Variants in MMP9 observed in about 807,000 individuals in gnomAD.
MMP9 encodes matrix metallopeptidase 9.
In MMP9, 73 loss-of-function variants were observed where a neutral mutation model predicts 76.4. The ratio of observed to expected loss-of-function variants is 0.96; its 90% CI spans 0.79 to 1.16. The LOEUF (loss-of-function observed/expected upper bound fraction) is 1.16. Ranked by LOEUF, MMP9 falls within the 50% of genes most tolerant of loss-of-function variation. The pLI, the probability that MMP9 is intolerant of heterozygous loss-of-function variation, is 0.00. For synonymous variants in MMP9, 412 were observed against 408.4 expected (o/e 1.01, Z -0.11); for missense variants, 943 against 973.0 (o/e 0.97, Z 0.41).
intron 7 of MMP9, 42 bp from the exon 8 acceptor site, chr20:46,012,385 G>T (rs746688967): frequency 1.2e-6 from 2 of 1,613,534 alleles, no homozygotes; most frequent in South Asian, 1.1e-5. Context: ...AGGGCTGGGG[G>T]CTCGGCCCGG....
chr20:46,014,504 A>G, intron 12 of MMP9, 30 bp downstream of exon 12: 1 of 1,536,862 alleles, frequency 6.5e-7, no homozygotes, highest in Admixed American at 2.0e-5. Flanking sequence ...CCTTCGTGAG[A>G]CACCACACTA....
Position 46,011,124 on chromosome 20 carries a change from G to GT in MMP9, c.650-18dup. On this transcript the variant is annotated intron_variant, in intron 4 of 12. Coordinates refer to ENST00000372330, the MANE Select transcript of MMP9 (RefSeq NM_004994.3). ...CTCATCACCCGCCGCCCTAACTCCG[G>GT]TCCCCCCTCCTCCTGCAGTGGTTCC... The GT allele has an allele frequency of 6.2e-7, 1 of 1,613,964 alleles. No individual in the cohort carries two copies. The highest frequency in any genetic ancestry group is 1.1e-5 in the South Asian group (1 of 91,080).
chr20:46,013,961 T>C lies in MMP9; in HGVS notation c.1751-163T>C. On this transcript the variant is annotated intron_variant, in intron 10 of 12. Coordinates refer to ENST00000372330, the MANE Select transcript of MMP9 (RefSeq NM_004994.3). This position sits in a 1 kb window ranked among gnomAD's most constrained non-coding sequence, Gnocchi z 4.5. ...GGGCGGCTGAGTTTCTGCCCCCTCC[T>C]CTCCACGCCCTCGCGTCGCTCTACC... is the stretch of plus-strand genomic sequence containing the variant. 7.2e-7 allele frequency: 1 copy of C among 1,386,112 alleles called. No individual in the cohort carries two copies. The allele number at this position is 1,386,112 out of a possible 1,614,324, so 85.9% of individuals were successfully genotyped here. A position where few individuals can be genotyped will look rare whatever the true frequency, so the allele number is the denominator to read the frequency against.
Position 46,014,199 on chromosome 20 carries a change from A to G in MMP9, c.1826A>G (p.Asp609Gly), listed in dbSNP as rs977960437. 2 of 1,537,586 alleles carry G rather than the reference A, an allele frequency of 1.3e-6. No homozygotes were observed. The highest frequency in any genetic ancestry group is 1.4e-5 in the African/African-American group (1 of 72,836). The change falls in exon 11 of 13, where the codon GAC (aspartate) becomes GGC (glycine). Residue 609 changes from aspartate to glycine, a missense_variant. By Grantham distance (94) the Asp-to-Gly change is moderately conservative. Transcript: ENST00000372330. ...RRLDKLGLGA[D>G]VAQVTGALRS... ...CTGGACAAGCTGGGCCTGGGAGCCGACGTGGCCCAGGTGACCGGGGCCCTC... is the reference window on the plus strand; with the variant it reads ...CTGGACAAGCTGGGCCTGGGAGCCGGCGTGGCCCAGGTGACCGGGGCCCTC...
rs757099264 is a variant in MMP9, at chr20:46,010,970, A to T, written c.569A>T (p.His190Leu). ...PFDGKDGLLA[H>L]AFPPGPGIQG... ...GACGGGAAGGACGGGCTCCTGGCACACGCCTTTCCTCCTGGCCCCGGCATT... is the reference window on the plus strand; with the variant it reads ...GACGGGAAGGACGGGCTCCTGGCACTCGCCTTTCCTCCTGGCCCCGGCATT... Residue 190 changes from histidine (H) to leucine (L), a missense_variant, in exon 4 of 13, where the codon CAC becomes CTC. Physicochemically the swap from His to Leu is moderately conservative, Grantham distance 99 (BLOSUM62 -3). Coordinates refer to ENST00000372330, the MANE Select transcript of MMP9 (RefSeq NM_004994.3). 6.2e-7 allele frequency: 1 copy of T among 1,614,176 alleles called. No homozygotes were observed. The highest frequency in any genetic ancestry group is 8.5e-7 in the Non-Finnish European group (1 of 1,180,028).
chr20:46,014,198 G>C lies in MMP9; in HGVS notation c.1825G>C (p.Asp609His). ...TCTGGACAAGCTGGGCCTGGGAGCC[G>C]ACGTGGCCCAGGTGACCGGGGCCCT... Reference protein sequence around the residue: ...RRLDKLGLGADVAQVTGALRS... With the variant: ...RRLDKLGLGAHVAQVTGALRS... The change falls in exon 11 of 13, where the codon GAC (aspartate) becomes CAC (histidine). Residue 609 changes from aspartate (D) to histidine (H), a missense_variant. Transcript: ENST00000372330. The C allele has an allele frequency of 6.5e-7, 1 of 1,538,380 alleles. No homozygotes were observed. Among genetic ancestry groups the C allele is most frequent in the African/African-American group, 1.4e-5 (1 of 73,040 alleles).
In MMP9 at chr20:46,010,891, TAACCCTCTTCC is replaced by T; in HGVS notation, c.521-30_521-20del. 1.9e-6 allele frequency: 3 copies of T among 1,614,230 alleles called. No homozygotes were observed. The highest frequency in any genetic ancestry group is 1.7e-6 in the Non-Finnish European group (2 of 1,180,054). On this transcript the variant is annotated intron_variant, in intron 3 of 12. Coordinates refer to ENST00000372330, the MANE Select transcript of MMP9 (RefSeq NM_004994.3). ...CACAATCTGCGCAGCAGTACTCGGC[TAACCCTCTTCC>T]TCTCGACCTGTTTCTTCAGAGCACG... is the stretch of plus-strand genomic sequence containing the variant.
intron 6 of MMP9, among the ~76,000 whole-genome samples, 165 bp downstream of exon 6, chr20:46,011,912 T>G (rs1037052706): frequency 1.3e-5 from 2 of 152,022 alleles, no homozygotes; most frequent in African/African-American, 4.8e-5. Flanking sequence ...ATCCCTGACT[T>G]CCAATGGCCC....
Position 46,012,126 on chromosome 20 carries a change from G to C in MMP9, c.998-11G>C. 6 of 1,613,548 alleles carry C rather than the reference G, an allele frequency of 3.7e-6. No individual in the cohort carries two copies. The highest frequency in any genetic ancestry group is 4.2e-6 in the Non-Finnish European group (5 of 1,179,740). On this transcript the variant is annotated splice_polypyrimidine_tract_variant and intron_variant, in intron 6 of 12. Transcript: ENST00000372330. ...TCCATCTGGCTCATCCAAGGCCTTGGGTCTCTCCAGCTGACTCGACGGTGA... is the reference window on the plus strand; with the variant it reads ...TCCATCTGGCTCATCCAAGGCCTTGCGTCTCTCCAGCTGACTCGACGGTGA...
chr20:46,015,886 A>C (rs1353607394), intron 12 of MMP9, among the ~76,000 whole-genome samples: 1 of 152,254 alleles, frequency 6.6e-6, no homozygotes, highest in Non-Finnish European at 1.5e-5. Flanking sequence ...ATCTTGAACA[A>C]AGCACATAGT....
Position 46,008,960 on chromosome 20 carries a change from C to T in MMP9, c.34C>T (p.Leu12=). The T allele has an allele frequency of 3.1e-6, 5 of 1,614,068 alleles. No homozygotes were observed. The highest frequency in any genetic ancestry group is 3.4e-6 in the Non-Finnish European group (4 of 1,179,994). The part of the protein sequence containing the change: ...SLWQPLVLVL[L]VLGCCFAAPR... ...CTGGCAGCCCCTGGTCCTGGTGCTCCTGGTGCTGGGCTGCTGCTTTGCTGC... is the reference window on the plus strand; with the variant it reads ...CTGGCAGCCCCTGGTCCTGGTGCTCTTGGTGCTGGGCTGCTGCTTTGCTGC... Residue 12 remains leucine, a synonymous_variant, in exon 1 of 13, where the codon CTG becomes TTG. Coordinates refer to ENST00000372330, the MANE Select transcript of MMP9 (RefSeq NM_004994.3).
intron 6 of MMP9, 36 bp downstream of exon 6, chr20:46,011,783 C>A (rs2084281429): frequency 1.3e-6 from 2 of 1,588,544 alleles, no homozygotes; most frequent in Admixed American, 3.5e-5. Flanking sequence ...CAGCCCCGCC[C>A]TCTCATCATG....
rs1805089 is a variant in MMP9 at position 46,009,971 on chromosome 20, G to C, written c.244G>C (p.Glu82Gln). ...LLLQKQLSLP[E>Q]TGELDSATLK... is the part of the protein sequence containing the mutation. ...TCTCCAGAAGCAACTGTCCCTGCCC[G>C]AGACCGGTGAGCTGGATAGCGCCAC... The change falls in exon 2 of 13, where the codon GAG (glutamate) becomes CAG (glutamine). Residue 82 changes from glutamate (E) to glutamine (Q), a missense_variant. Coordinates refer to ENST00000372330, the MANE Select transcript of MMP9 (RefSeq NM_004994.3). 1.3e-6 allele frequency: 2 copies of C among 1,551,858 alleles called. No individual in the cohort carries two copies. The highest frequency in any genetic ancestry group is 2.4e-5 in the South Asian group (2 of 84,068).
Position 46,014,354 on chromosome 20 carries a change from TCCGCGCCTGC to T in MMP9, c.1902-12_1902-3del. 6.5e-7 allele frequency: 1 copy of T among 1,545,846 alleles called. No homozygotes were observed. Among genetic ancestry groups the T allele is most frequent in the Non-Finnish European group, 8.7e-7 (1 of 1,146,864 alleles). ...GCTAGCCGGCTCAGCACCTGTCTCC[TCCGCGCCTGC>T]CCGCAGGTTCGACGTGAAGGCGCAG... On this transcript the variant is annotated splice_region_variant and splice_polypyrimidine_tract_variant and intron_variant, in intron 11 of 12. Coordinates refer to ENST00000372330, the MANE Select transcript of MMP9 (RefSeq NM_004994.3).
At chr20:46,014,606 A>G in intron 12 of MMP9, 132 bp downstream of exon 12, 1 of 954,764 alleles carries the variant, frequency 1.0e-6, no homozygotes, top group South Asian at 1.4e-5. Flanking sequence ...AGATCCCAGC[A>G]GAGGCAGAGG....
chr20:46,013,604 C>A lies in MMP9; in HGVS notation c.1611-53C>A, dbSNP rs2145455619. On this transcript the variant is annotated intron_variant, in intron 9 of 12. Transcript: ENST00000372330. This position sits in a 1 kb window ranked among gnomAD's most constrained non-coding sequence, Gnocchi z 4.5. ...GGGGCTGCCCGTCCCTTCCCGCCCACTGGCCCTGTGTCCAAGGCTTAGAGC... is the reference window on the plus strand; with the variant it reads ...GGGGCTGCCCGTCCCTTCCCGCCCAATGGCCCTGTGTCCAAGGCTTAGAGC... 6.2e-7 allele frequency: 1 copy of A among 1,612,514 alleles called. No homozygotes were observed. The highest frequency in any genetic ancestry group is 2.2e-5 in the East Asian group (1 of 44,846).
At chr20:46,015,103 T>C (rs2084310652) in intron 12 of MMP9, among the ~76,000 whole-genome samples, 1 of 152,120 alleles carries the variant, frequency 6.6e-6, no homozygotes, top group Non-Finnish European at 1.5e-5. Context: ...AGGGCAATGG[T>C]CTTGGGAGTG....
Position 46,013,450 on chromosome 20 carries a change from T to A in MMP9, c.1526T>A (p.Leu509Ter). 1 of 1,614,020 alleles carries A rather than the reference T, an allele frequency of 6.2e-7. No homozygotes were observed. The highest frequency in any genetic ancestry group is 8.5e-7 in the Non-Finnish European group (1 of 1,180,014). Residue 509 changes from leucine (L) to a stop codon, truncating the protein, a stop_gained, in exon 9 of 13, where the codon TTG becomes TAG. Coordinates refer to ENST00000372330, the MANE Select transcript of MMP9 (RefSeq NM_004994.3). LOFTEE classifies it high-confidence loss of function. This position sits in a 1 kb window ranked among gnomAD's most constrained non-coding sequence, Gnocchi z 4.5. ...AGPSTATTVP[L>*]SPVDDACNVN... ...CCTTCTACGGCCACTACTGTGCCTT[T>A]GAGTCCGGTGGACGATGCCTGCAAC...
intron 2 of MMP9, 150 bp from the exon 3 acceptor site, chr20:46,010,333 A>AAAAACAAAAAAAAAAAAAC: frequency 1.2e-6 from 1 of 827,760 alleles, no homozygotes; most frequent in African/African-American, 2.2e-5. Context: ...AAAAAAAAAA[A>AAAAACAAAAAAAAAAAAAC]AAAAAAAACA....
Sources: gnomAD v4.1 joint callset for allele counts (sites outside exome capture counted in the v4.1 genomes callset) on GRCh38, gnomAD v4.1.1 for gene constraint, Gnocchi (gnomAD v3.1) non-coding constraint, MANE v1.5 for transcripts, NCBI Gene and HGNC (gene_info 2026-07-23, HGNC 2026-07-21) for gene names.